The following SEMA3A variants were observed in gnomAD, a reference collection of about 807,000 sequenced individuals.
The protein encoded by SEMA3A is semaphorin 3A.
Under a neutral mutation model 97.9 loss-of-function variants are expected in SEMA3A, and 29 were observed. The observed-to-expected ratio is 0.30, with a 90% CI of 0.22 to 0.40. The LOEUF (loss-of-function observed/expected upper bound fraction) is 0.40. SEMA3A is among the 10% of genes least tolerant of loss of function. The probability of loss-of-function intolerance (pLI) is 1.00; values close to 1 mark genes in which losing one functional copy is unlikely to be tolerated. For synonymous variants in SEMA3A, 321 were observed against 323.7 expected (o/e 0.99, Z 0.09); for missense variants, 763 against 951.3 (o/e 0.80, Z 2.60).
chr7:83,965,475 T>C (rs1788634719), intron 15 of SEMA3A, among the ~76,000 whole-genome samples: 1 of 150,696 alleles, frequency 6.6e-6, no homozygotes, highest in Non-Finnish European at 1.5e-5. Flanking sequence ...CTGCTAAAGC[T>C]ACTAAAGAAA....
chr7:84,167,020 A>G (rs1479648677), intron 1 of SEMA3A, among the ~76,000 whole-genome samples: 1 of 48,904 alleles, frequency 2.0e-5, no homozygotes, highest in Non-Finnish European at 5.6e-5. Flanking sequence ...ATACTTGCTG[A>G]ATGAATGAAC....
At chr7:84,203,524 A>ATTTTTTTTTTTTTTTTT (rs1253293554) in intron 3 of SEMA3A, among the ~76,000 whole-genome samples, 1 of 43,036 alleles carries the variant, frequency 2.3e-5, no homozygotes, top group African/African-American at 8.4e-5. Context: ...ATATATATAT[A>ATTTTTTTTTTTTTTTTT]TATTTTTTTT....
intron 1 of SEMA3A, 47 bp downstream of exon 1, chr7:84,194,428 G>C (rs754869474): frequency 4.0e-6 from 5 of 1,248,582 alleles, no homozygotes; most frequent in African/African-American, 1.5e-5. Flanking sequence ...TTAAGGGGGG[G>C]GGCGGTTATT....
intron 3 of SEMA3A, among the ~76,000 whole-genome samples, chr7:84,125,756 T>TGG (rs1318961566): frequency 6.6e-6 from 1 of 152,138 alleles, no homozygotes; most frequent in African/African-American, 2.4e-5. Flanking sequence ...ATAAAAGATG[T>TGG]GGGAAATGCC....
intron 3 of SEMA3A, among the ~76,000 whole-genome samples, chr7:84,302,399 GA>G (rs1472643441): frequency 2.6e-5 from 4 of 152,056 alleles, no homozygotes; most frequent in Non-Finnish European, 5.9e-5. Flanking sequence ...AGTTAATGAA[GA>G]AAAATAAATG....
chr7:84,084,466 T>G (rs1794267477), intron 4 of SEMA3A, among the ~76,000 whole-genome samples: 1 of 152,010 alleles, frequency 6.6e-6, no homozygotes, highest in Admixed American at 6.6e-5. Flanking sequence ...CAAATTTACA[T>G]TCAGAAACAT....
intron 1 of SEMA3A, among the ~76,000 whole-genome samples, chr7:84,425,259 T>C (rs1267655744): frequency 5.1e-5 from 6 of 117,178 alleles, no homozygotes; most frequent in Admixed American, 9.6e-5. Context: ...ATATATAATA[T>C]AATTTTAAAT....
At chr7:84,345,295 G>A (rs933379577) in intron 2 of SEMA3A, among the ~76,000 whole-genome samples, 2 of 152,160 alleles carry the variant, frequency 1.3e-5, no homozygotes, top group Non-Finnish European at 2.9e-5. Context: ...TAATCTTTTT[G>A]TTGGTAGGAG....
At chr7:84,137,719 C>G (rs965277321) in intron 1 of SEMA3A, among the ~76,000 whole-genome samples, 3 of 137,068 alleles carry the variant, frequency 2.2e-5, no homozygotes, top group Non-Finnish European at 4.7e-5. Context: ...AAAGCCACCT[C>G]AGCCTAAACC....
chr7:84,008,268 G>A (rs958027758), intron 9 of SEMA3A, among the ~76,000 whole-genome samples: 16 of 152,134 alleles, frequency 1.1e-4, no homozygotes, highest in African/African-American at 3.9e-4. Flanking sequence ...AAGGCGGGCG[G>A]ATCACAAGGT....
At chr7:84,155,314 A>C (rs150446759) in intron 1 of SEMA3A, among the ~76,000 whole-genome samples, 32 of 152,226 alleles carry the variant, frequency 2.1e-4, no homozygotes, top group African/African-American at 7.2e-4. Flanking sequence ...TTGAATTTTC[A>C]TATTTTTAAA....
chr7:84,288,344 A>T (rs1236084545), intron 3 of SEMA3A, among the ~76,000 whole-genome samples: 2 of 152,170 alleles, frequency 1.3e-5, no homozygotes, highest in Admixed American at 6.6e-5. Context: ...AATAAGTGAC[A>T]CCCATAAAGT....
chr7:84,188,015 T>G (rs764674428), intron 1 of SEMA3A, among the ~76,000 whole-genome samples: 1 of 152,088 alleles, frequency 6.6e-6, no homozygotes, highest in Non-Finnish European at 1.5e-5. Context: ...ATATTTTATC[T>G]AAAGACATGT....
At chr7:84,429,516 T>TATA (rs1554385262) in intron 1 of SEMA3A, among the ~76,000 whole-genome samples, 2 of 72,420 alleles carry the variant, frequency 2.8e-5, no homozygotes, top group African/African-American at 1.4e-4. Flanking sequence ...ATAGAGTTTG[T>TATA]TATATATATA....
In SEMA3A at chr7:83,961,604, T is replaced by C; in HGVS notation, c.2083A>G (p.Met695Val). The change falls in exon 17 of 17, where the codon ATG becomes GTG. Residue 695 changes from methionine to valine, a missense_variant. Coordinates refer to ENST00000265362, the MANE Select transcript of SEMA3A (RefSeq NM_006080.3). Reference sequence around the variant, plus strand: ...TACCAGACCTTCTGGCTAGGTGTCATGCTATTGGACATTTCTTTGGTCTTA... The same window carrying C: ...TACCAGACCTTCTGGCTAGGTGTCACGCTATTGGACATTTCTTTGGTCTTA... The part of the protein sequence containing the change: ...GSKTKEMSNS[M>V]TPSQKVWYRD... 1 of 1,614,132 alleles carries C rather than the reference T, an allele frequency of 6.2e-7. No individual in the cohort carries two copies. Among genetic ancestry groups the C allele is most frequent in the Non-Finnish European group, 8.5e-7 (1 of 1,179,972 alleles).
chr7:84,393,733 A>G (rs1352388511), intron 1 of SEMA3A, among the ~76,000 whole-genome samples: 1 of 152,148 alleles, frequency 6.6e-6, no homozygotes, highest in African/African-American at 2.4e-5. Flanking sequence ...AAAGGGTGCC[A>G]TATTTGATAA....
chr7:84,110,734 CTTAT>C (rs1795256005), intron 3 of SEMA3A, 145 bp from the exon 4 acceptor site: 1 of 830,032 alleles, frequency 1.2e-6, no homozygotes, highest in Non-Finnish European at 1.8e-6. Flanking sequence ...ATTTTAAGGA[CTTAT>C]TTATTATTCT....
intron 1 of SEMA3A, among the ~76,000 whole-genome samples, chr7:84,173,610 T>G (rs1343658568): frequency 6.6e-6 from 1 of 151,948 alleles, no homozygotes; most frequent in African/African-American, 2.4e-5. Context: ...TTTTACTTTT[T>G]AGAAAGATGT....
chr7:84,023,361 G>A (rs1325642284), intron 6 of SEMA3A, among the ~76,000 whole-genome samples: 1 of 152,054 alleles, frequency 6.6e-6, no homozygotes, highest in Non-Finnish European at 1.5e-5. Context: ...CAAAGGACAA[G>A]AACAAAAATA....
Sources: allele counts gnomAD v4.1 joint callset (sites outside exome capture counted in the v4.1 genomes callset), GRCh38; gene constraint gnomAD v4.1.1; transcripts MANE v1.5; gene names NCBI Gene and HGNC (gene_info 2026-07-23, HGNC 2026-07-21).